Variants in GFPT1 observed in about 807,000 individuals in gnomAD.
The protein encoded by GFPT1 is glutamine--fructose-6-phosphate transaminase 1, also known as glutamine--fructose-6-phosphate aminotransferase [isomerizing] 1.
A neutral mutation model predicts 92.0 loss-of-function variants in GFPT1; 40 were observed. That is an observed-to-expected ratio of 0.43 (90% CI 0.34 to 0.57). The LOEUF is 0.57. Among genes scored for constraint, GFPT1 ranks in the 20% least tolerant of loss-of-function variants. The pLI is 0.02. For missense variants in GFPT1, 448 were observed against 869.1 expected (o/e 0.52, Z 6.09); for synonymous variants, 269 against 280.6 (o/e 0.96, Z 0.41).
At chr2:69,355,464 C>T (rs1195245438) in intron 7 of GFPT1, among the ~76,000 whole-genome samples, 8 of 152,030 alleles carry the variant, frequency 5.3e-5, no homozygotes, top group Non-Finnish European at 7.4e-5. Context: ...GGAACATACC[C>T]ATGCCCATTC....
intron 3 of GFPT1, 55 bp downstream of exon 3, chr2:69,369,946 G>GAGGGGAAAAGGAAGAGA: frequency 1.0e-6 from 1 of 974,242 alleles, no homozygotes; most frequent in Non-Finnish European, 1.7e-6. Context: ...GGAGAATGGG[G>GAGGGGAAAAGGAAGAGA]AGGGGAAAAG....
At chr2:69,372,352 C>T (rs1671772319) in intron 2 of GFPT1, among the ~76,000 whole-genome samples, 1 of 151,572 alleles carries the variant, frequency 6.6e-6, no homozygotes, top group Non-Finnish European at 1.5e-5. Context: ...GGTGGATCTC[C>T]TGAGGTCAGG....
Position 69,338,436 on chromosome 2 carries a change from T to G in GFPT1, c.1324+9A>C. On this transcript the variant is annotated intron_variant, in intron 14 of 19. Coordinates refer to ENST00000357308, the MANE Select transcript of GFPT1 (RefSeq NM_001244710.2). ...TTTCCTTCCTTTTAAGTCTTTAAAA[T>G]TAACACACCTGATTGACTAAGGAAA... 2 of 1,610,240 alleles carry G rather than the reference T, an allele frequency of 1.2e-6. No homozygotes were observed. The highest frequency in any genetic ancestry group is 1.7e-6 in the Non-Finnish European group (2 of 1,176,556).
rs1670409472 is a variant in GFPT1, at chr2:69,321,874, G to C, written c.*4315C>G. 6.6e-6 allele frequency: 1 copy of C among 152,124 alleles called. No individual in the cohort carries two copies. Among genetic ancestry groups the C allele is most frequent in the Non-Finnish European group, 1.5e-5 (1 of 68,006 alleles). The allele number at this position is 152,124 out of a possible 1,614,324, so 9.4% of individuals were successfully genotyped here. On this transcript the variant is annotated 3_prime_UTR_variant, in exon 20 of 20. Coordinates refer to ENST00000357308, the MANE Select transcript of GFPT1 (RefSeq NM_001244710.2). Reference sequence around the variant, plus strand: ...TAATTACATAACATTTTGATGTCAAGTTATTACAGACTTAAAAGTTAATAT... The same window carrying C: ...TAATTACATAACATTTTGATGTCAACTTATTACAGACTTAAAAGTTAATAT...
At chr2:69,380,834 G>A (rs774934460) in intron 1 of GFPT1, among the ~76,000 whole-genome samples, 3 of 152,120 alleles carry the variant, frequency 2.0e-5, no homozygotes, top group Admixed American at 2.0e-4. Flanking sequence ...CCGAACTGCT[G>A]ACCAATCCTA....
At chr2:69,340,309 A>C (rs535849358) in intron 13 of GFPT1, among the ~76,000 whole-genome samples, 1 of 152,150 alleles carries the variant, frequency 6.6e-6, no homozygotes, top group East Asian at 1.9e-4. Context: ...CTATAGGCAC[A>C]CACCACTGCA....
rs181289443 is a variant in GFPT1, at chr2:69,340,795, T to G, written c.1203+1357A>C. ...TTGGCATCCACAAAACAACAAAAAA[T>G]CTTACATTAGAGAATTCTAACAGAG... On this transcript the variant is annotated intron_variant, in intron 13 of 19. Coordinates refer to ENST00000357308, the MANE Select transcript of GFPT1 (RefSeq NM_001244710.2). Among the ~76,000 whole-genome samples the G allele has an allele frequency of 5.3e-5, 8 of 152,250 alleles. No individual in the cohort carries two copies. In the East Asian group the frequency reaches 7.7e-4, roughly 15 times the overall value.
chr2:69,369,390 C>A (rs1671689728), intron 3 of GFPT1, among the ~76,000 whole-genome samples: 1 of 152,048 alleles, frequency 6.6e-6, no homozygotes, highest in Non-Finnish European at 1.5e-5. Flanking sequence ...TTCAATCAAT[C>A]TACTTCAAAG....
At chr2:69,374,715 C>T (rs1046572374) in intron 1 of GFPT1, among the ~76,000 whole-genome samples, 1 of 151,990 alleles carries the variant, frequency 6.6e-6, no homozygotes, top group Non-Finnish European at 1.5e-5. Flanking sequence ...GGTTTATGTC[C>T]TATATACAGA....
Position 69,358,320 on chromosome 2 carries a change from G to A in GFPT1, c.543+9C>T, listed in dbSNP as rs1328309871. The stretch of plus-strand genomic sequence containing the variant: ...TGGCATAATTATCTTTAAAAATGTG[G>A]CTTAATACCAATTGTTGGATAACTC... On this transcript the variant is annotated intron_variant, in intron 6 of 19. Transcript: ENST00000357308. 8 of 1,608,476 alleles carry A rather than the reference G, an allele frequency of 5.0e-6. No homozygotes were observed. The highest frequency in any genetic ancestry group is 6.8e-6 in the Non-Finnish European group (8 of 1,175,348).
At chr2:69,364,327 T>G (rs1039466580) in intron 3 of GFPT1, among the ~76,000 whole-genome samples, 1 of 151,816 alleles carries the variant, frequency 6.6e-6, no homozygotes, top group Non-Finnish European at 1.5e-5. Context: ...ATGACAAAAT[T>G]TTAATAACAG....
chr2:69,332,313 CTTTTT>C (rs1257559725), intron 15 of GFPT1, among the ~76,000 whole-genome samples: 3 of 134,392 alleles, frequency 2.2e-5, no homozygotes, highest in Admixed American at 7.5e-5. Flanking sequence ...CTTTTCTTTT[CTTTTT>C]TTTTTTTTTT....
intron 2 of GFPT1, among the ~76,000 whole-genome samples, chr2:69,372,534 T>C (rs960619244): frequency 6.6e-6 from 1 of 151,162 alleles, no homozygotes; most frequent in African/African-American, 2.4e-5. Context: ...GATCGCACCA[T>C]TGCACTCCAG....
In GFPT1 at chr2:69,325,924, T is replaced by A; in HGVS notation, c.*265A>T. On this transcript the variant is annotated 3_prime_UTR_variant, in exon 20 of 20. Transcript: ENST00000357308. ...TCCAGAAATGCAACACCCAGCATTC[T>A]TTAAAGAAAATAATAGCTAGAATCT... 1 of 393,034 alleles carries A rather than the reference T, an allele frequency of 2.5e-6. No individual in the cohort carries two copies. 24.3% of individuals were successfully genotyped at this position (393,034 alleles called of 1,614,324 possible). A position where few individuals can be genotyped will look rare whatever the true frequency, so the allele number is the denominator to read the frequency against.
intron 6 of GFPT1, among the ~76,000 whole-genome samples, chr2:69,356,954 A>G (rs1272723883): frequency 6.6e-6 from 1 of 152,124 alleles, no homozygotes; most frequent in Admixed American, 6.6e-5. Flanking sequence ...GATGGTCTCC[A>G]TCTCTTGACC....
At chr2:69,328,636 A>G (rs1194931226) in intron 17 of GFPT1, among the ~76,000 whole-genome samples, 198 bp from the exon 18 acceptor site, 2 of 152,080 alleles carry the variant, frequency 1.3e-5, no homozygotes, top group African/African-American at 2.4e-5. Flanking sequence ...GGAAGTTTTA[A>G]AGCTCCACAA....
At chr2:69,353,279 G>A (rs1671256433) in intron 9 of GFPT1, among the ~76,000 whole-genome samples, 1 of 152,090 alleles carries the variant, frequency 6.6e-6, no homozygotes, top group Non-Finnish European at 1.5e-5. Context: ...GCTCATTCCT[G>A]TAATCCCTGT....
intron 18 of GFPT1, among the ~76,000 whole-genome samples, chr2:69,327,310 C>A (rs537096880): frequency 1.9e-4 from 29 of 152,304 alleles, no homozygotes; most frequent in African/African-American, 6.7e-4. Context: ...AGGCTTAGTA[C>A]TTGACTGCAG....
intron 3 of GFPT1, 34 bp downstream of exon 3, chr2:69,369,967 G>A (rs1380462318): frequency 2.5e-6 from 3 of 1,185,708 alleles, no homozygotes; most frequent in East Asian, 2.3e-5. Flanking sequence ...GAAGAGAAGG[G>A]GAAAGGGGAC....
Sources: gnomAD v4.1 joint callset for allele counts (sites outside exome capture counted in the v4.1 genomes callset) on GRCh38, gnomAD v4.1.1 for gene constraint, MANE v1.5 for transcripts, NCBI Gene and HGNC (gene_info 2026-07-23, HGNC 2026-07-21) for gene names.